Variants in SUMF1 observed in about 807,000 individuals in gnomAD.
SUMF1 encodes sulfatase modifying factor 1, also known as formylglycine-generating enzyme.
SUMF1 carries 48 observed loss-of-function variants against 47.6 expected under a neutral mutation model. That is an observed-to-expected ratio of 1.01 (90% CI 0.80 to 1.28). SUMF1 has a LOEUF of 1.28. Ranked by LOEUF, SUMF1 falls within the 50% of genes most tolerant of loss-of-function variation. SUMF1 has a pLI of 0.00. For synonymous variants in SUMF1, 230 were observed against 192.1 expected (o/e 1.20, Z -1.63); for missense variants, 571 against 485.4 (o/e 1.18, Z -1.66).
intron 3 of SUMF1, among the ~76,000 whole-genome samples, chr3:4,424,413 C>T (rs1396777857): frequency 6.6e-6 from 1 of 152,108 alleles, no homozygotes; most frequent in African/African-American, 2.4e-5. Flanking sequence ...CAATGAGGTG[C>T]ACGGTAAGAT....
At chr3:4,194,380 G>C (rs1191085389) in intron 8 of SUMF1, among the ~76,000 whole-genome samples, 2 of 152,122 alleles carry the variant, frequency 1.3e-5, no homozygotes, top group Non-Finnish European at 2.9e-5. Context: ...ATTCTAAGTG[G>C]CTAGTTAGGG....
At chr3:4,130,078 C>A (rs1693750839) in intron 8 of SUMF1, among the ~76,000 whole-genome samples, 1 of 152,146 alleles carries the variant, frequency 6.6e-6, no homozygotes, top group African/African-American at 2.4e-5. Flanking sequence ...TTAGTGCCAC[C>A]ATCAAGGACT....
intron 8 of SUMF1, among the ~76,000 whole-genome samples, chr3:4,139,608 C>A (rs1242867113): frequency 6.6e-6 from 1 of 150,434 alleles, no homozygotes; most frequent in Non-Finnish European, 1.5e-5. Context: ...ACACACATTT[C>A]TTAAGGGGAG....
chr3:4,385,106 G>A (rs946090113), intron 7 of SUMF1, among the ~76,000 whole-genome samples: 4 of 151,982 alleles, frequency 2.6e-5, no homozygotes, highest in Non-Finnish European at 5.9e-5. Flanking sequence ...GGCTGGTCTC[G>A]AACTCCTGAC....
At chr3:4,183,932 C>T (rs539132134) in intron 8 of SUMF1, among the ~76,000 whole-genome samples, 28 of 151,972 alleles carry the variant, frequency 1.8e-4, no homozygotes, top group Non-Finnish European at 3.2e-4. Context: ...AGTTCAAGAC[C>T]ATCCTGGCCA....
intron 8 of SUMF1, among the ~76,000 whole-genome samples, chr3:4,203,025 A>G (rs570997270): frequency 6.6e-6 from 1 of 151,992 alleles, no homozygotes; most frequent in South Asian, 2.1e-4. Flanking sequence ...TTATCCATGT[A>G]CTGAGGAGAA....
intron 7 of SUMF1, among the ~76,000 whole-genome samples, chr3:4,384,377 A>G (rs1700603184): frequency 6.6e-6 from 1 of 152,176 alleles, no homozygotes; most frequent in South Asian, 2.1e-4. Context: ...TCTGTACTGT[A>G]TCTCAACCAG....
intron 8 of SUMF1, among the ~76,000 whole-genome samples, chr3:4,217,483 T>C (rs1670478940): frequency 1.1e-5 from 1 of 91,756 alleles, no homozygotes; most frequent in African/African-American, 4.3e-5. Flanking sequence ...CTTCACGTTG[T>C]ACACATGTAT....
At chr3:4,094,574 A>G (rs1167410858) in intron 8 of SUMF1, among the ~76,000 whole-genome samples, 1 of 152,098 alleles carries the variant, frequency 6.6e-6, no homozygotes, top group Non-Finnish European at 1.5e-5. Flanking sequence ...GTCCCAGTTT[A>G]CACTACACAG....
intron 9 of SUMF1, among the ~76,000 whole-genome samples, chr3:4,040,326 C>T (rs1694886269): frequency 6.6e-6 from 1 of 152,096 alleles, no homozygotes; most frequent in South Asian, 2.1e-4. Flanking sequence ...TTTTCTAGGC[C>T]TATTGCTACT....
At chr3:4,050,919 T>C (rs1444203512) in intron 9 of SUMF1, among the ~76,000 whole-genome samples, 2 of 151,680 alleles carry the variant, frequency 1.3e-5, no homozygotes, top group East Asian at 3.9e-4. Context: ...GCTTTAGAAA[T>C]GTAAGAAAAT....
At chr3:4,324,620 T>C (rs1418434943) in intron 8 of SUMF1, among the ~76,000 whole-genome samples, 4 of 152,178 alleles carry the variant, frequency 2.6e-5, no homozygotes, top group Admixed American at 2.6e-4. Flanking sequence ...AAGTCGATTA[T>C]GCATTGTCTC....
chr3:4,212,061 C>A (rs1695810848), intron 8 of SUMF1, among the ~76,000 whole-genome samples: 2 of 152,176 alleles, frequency 1.3e-5, no homozygotes, highest in African/African-American at 4.8e-5. Context: ...GACCTCCCAG[C>A]ACAGCATTCG....
downstream of SUMF1, among the ~76,000 whole-genome samples, chr3:4,358,837 A>G (rs1404830436): frequency 2.0e-5 from 3 of 152,214 alleles, no homozygotes; most frequent in African/African-American, 7.2e-5. Flanking sequence ...CATTAGAAGC[A>G]TATGTCCTGA....
At chr3:4,363,648 A>G (rs1201818696) in intron 8 of SUMF1, among the ~76,000 whole-genome samples, 1 of 150,804 alleles carries the variant, frequency 6.6e-6, no homozygotes, top group Non-Finnish European at 1.5e-5. Context: ...TTTTCTAGAT[A>G]TACAATCATG....
intron 8 of SUMF1, among the ~76,000 whole-genome samples, chr3:4,219,647 C>T (rs1696018019): frequency 6.6e-6 from 1 of 152,144 alleles, no homozygotes; most frequent in South Asian, 2.1e-4. Flanking sequence ...TTTGAGTTTA[C>T]TTCTCCACCT....
chr3:4,039,754 C>G (rs1694876511), intron 9 of SUMF1, among the ~76,000 whole-genome samples: 1 of 152,104 alleles, frequency 6.6e-6, no homozygotes, highest in Non-Finnish European at 1.5e-5. Flanking sequence ...GGTATGGTGA[C>G]TCATACCCAT....
chr3:4,240,286 A>G (rs1696507737), intron 8 of SUMF1, among the ~76,000 whole-genome samples: 1 of 152,136 alleles, frequency 6.6e-6, no homozygotes, highest in African/African-American at 2.4e-5. Flanking sequence ...AGCCTCATAA[A>G]ATAAGTTAGG....
In SUMF1 at chr3:4,462,378, C is replaced by G. The variant is rs374450436; in HGVS notation, c.270+4598G>C. 6.6e-5 allele frequency among the ~76,000 whole-genome samples: 10 copies of G among 152,180 alleles called. 1 individual carries two copies. Among genetic ancestry groups the G allele is most frequent in the Admixed American group, 3.3e-4 (5 of 15,286 alleles). ...AAGGGACATTACCTGACAATGGAGC[C>G]GACTATGCAGAAGAGCCAAGAGATA... On this transcript the variant is annotated intron_variant, in intron 1 of 8. Coordinates refer to ENST00000272902, the MANE Select transcript of SUMF1 (RefSeq NM_182760.4).
Sources: allele counts gnomAD v4.1 joint callset (sites outside exome capture counted in the v4.1 genomes callset), GRCh38; gene constraint gnomAD v4.1.1; transcripts MANE v1.5; gene names NCBI Gene and HGNC (gene_info 2026-07-23, HGNC 2026-07-21).